TCF7L2: variants seen among roughly 807,000 people sequenced by gnomAD.
TCF7L2 encodes transcription factor 7-like 2.
TCF7L2 carries 23 observed loss-of-function variants against 77.9 expected under a neutral mutation model. The ratio of observed to expected loss-of-function variants is 0.30; its 90% CI spans 0.21 to 0.42. TCF7L2 has a LOEUF of 0.42. Ranked by LOEUF, TCF7L2 falls within the 10% of genes least tolerant of loss-of-function variation. The pLI is 1.00. For missense variants in TCF7L2, 654 were observed against 793.1 expected (o/e 0.82, Z 2.11); for synonymous variants, 413 against 340.2 (o/e 1.21, Z -2.36).
chr10:113,123,301 T>A (rs2065078970), intron 5 of TCF7L2, among the ~76,000 whole-genome samples: 1 of 152,190 alleles, frequency 6.6e-6, no homozygotes, highest in South Asian at 2.1e-4. Flanking sequence ...TAAGGATATA[T>A]CCATGGCCCT....
At chr10:112,958,408 G>A (rs999593868) in intron 3 of TCF7L2, among the ~76,000 whole-genome samples, 34 of 152,154 alleles carry the variant, frequency 2.2e-4, no homozygotes, top group African/African-American at 8.2e-4. Flanking sequence ...TTCATGGTCT[G>A]CCAGAAGAAG....
chr10:113,020,388 TC>T (rs1167122033), intron 4 of TCF7L2, among the ~76,000 whole-genome samples: 1 of 152,160 alleles, frequency 6.6e-6, no homozygotes, highest in Non-Finnish European at 1.5e-5. Flanking sequence ...TCTGGATTCT[TC>T]CAGCTGTGTG....
chr10:113,031,704 TCTCGAACTACTGAC>T (rs1283533201), intron 4 of TCF7L2, among the ~76,000 whole-genome samples: 1 of 152,138 alleles, frequency 6.6e-6, no homozygotes, highest in Admixed American at 6.5e-5. Context: ...GCCAGGCTGG[TCTCGAACTACTGAC>T]CTCAAAGTGA....
intron 5 of TCF7L2, among the ~76,000 whole-genome samples, chr10:113,096,867 G>C (rs543415608): frequency 4.6e-5 from 7 of 152,220 alleles, no homozygotes; most frequent in Admixed American, 3.3e-4. Flanking sequence ...GGAAAGCAAC[G>C]AAGACACCAG....
At chr10:113,097,646 GAAAAAAAAAAAA>G (rs869133669) in intron 5 of TCF7L2, among the ~76,000 whole-genome samples, 371 of 36,744 alleles carry the variant, frequency 0.01, 6 homozygotes, top group African/African-American at 0.037. Context: ...TCTTGTCTCG[GAAAAAAAAAAAA>G]AAAAAAAAAA....
At chr10:113,083,448 T>A (rs1409341878) in intron 5 of TCF7L2, among the ~76,000 whole-genome samples, 3 of 152,200 alleles carry the variant, frequency 2.0e-5, no homozygotes, top group African/African-American at 7.2e-5. Context: ...GGCTTGTCTT[T>A]ACGATAAAAA....
intron 4 of TCF7L2, among the ~76,000 whole-genome samples, chr10:112,969,975 CAGAAGA>C (rs1239066810): frequency 6.6e-6 from 1 of 152,218 alleles, no homozygotes; most frequent in East Asian, 1.9e-4. Context: ...TCGAGACCCA[CAGAAGA>C]TGTTTCCCTT....
chr10:112,998,678 A>G (rs1590203422), intron 4 of TCF7L2, among the ~76,000 whole-genome samples: 1 of 152,240 alleles, frequency 6.6e-6, no homozygotes, highest in Non-Finnish European at 1.5e-5. Flanking sequence ...AGTCAATGTC[A>G]GATAACTAGG....
chr10:113,146,825 A>T lies in TCF7L2; in HGVS notation c.875+728A>T, dbSNP rs376940783. Among the ~76,000 whole-genome samples, 20 of 152,262 alleles carry T rather than the reference A, an allele frequency of 1.3e-4. No homozygotes were observed. The East Asian group carries it at 2.7e-3, about 21-fold the overall frequency. On this transcript the variant is annotated intron_variant, in intron 8 of 13. Coordinates refer to ENST00000627217, the MANE Select transcript of TCF7L2 (RefSeq NM_001146274.2). ...CAGCACTTCTCAGTTTAGACTGGCCACATTTCAAATATTCAATAGCCACAC... is the reference window on the plus strand; with the variant it reads ...CAGCACTTCTCAGTTTAGACTGGCCTCATTTCAAATATTCAATAGCCACAC...
chr10:113,119,238 A>G (rs1191042204), intron 5 of TCF7L2, among the ~76,000 whole-genome samples: 1 of 152,192 alleles, frequency 6.6e-6, no homozygotes, highest in African/African-American at 2.4e-5. Flanking sequence ...CATTTGGGAA[A>G]GTTCCTAATC....
At chr10:113,093,532 C>T (rs956606026) in intron 5 of TCF7L2, among the ~76,000 whole-genome samples, 17 of 152,166 alleles carry the variant, frequency 1.1e-4, no homozygotes, top group African/African-American at 3.6e-4. Flanking sequence ...CTTTCTGTTC[C>T]ATCTACATTT....
At chr10:112,981,729 C>G (rs1448171840) in intron 4 of TCF7L2, among the ~76,000 whole-genome samples, 6 of 152,166 alleles carry the variant, frequency 3.9e-5, no homozygotes, top group African/African-American at 1.4e-4. Flanking sequence ...TTGATTTCGG[C>G]CTCAGTGGTT....
chr10:113,146,912 A>G (rs1592289524), intron 8 of TCF7L2, among the ~76,000 whole-genome samples: 1 of 144,644 alleles, frequency 6.9e-6, no homozygotes, highest in South Asian at 2.1e-4. Flanking sequence ...AAAAAAAAAC[A>G]TGTGTGTGTG....
At chr10:113,070,481 C>T (rs1473578308) in intron 5 of TCF7L2, among the ~76,000 whole-genome samples, 2 of 151,960 alleles carry the variant, frequency 1.3e-5, no homozygotes, top group Non-Finnish European at 2.9e-5. Context: ...TGCTATGGCC[C>T]ATCTGCGGGA....
intron 5 of TCF7L2, among the ~76,000 whole-genome samples, chr10:113,096,914 G>T (rs1417018368): frequency 6.6e-6 from 1 of 152,220 alleles, no homozygotes; most frequent in African/African-American, 2.4e-5. Flanking sequence ...GAGGAGGCAT[G>T]TAGTGACTGA....
At chr10:113,065,569 T>C (rs1022316439) in intron 5 of TCF7L2, among the ~76,000 whole-genome samples, 1 of 152,234 alleles carries the variant, frequency 6.6e-6, no homozygotes, top group Non-Finnish European at 1.5e-5. Flanking sequence ...CCTCGGTTTC[T>C]TTATCTGTTA....
intron 5 of TCF7L2, among the ~76,000 whole-genome samples, chr10:113,130,832 C>T (rs960229726): frequency 1.3e-5 from 2 of 152,080 alleles, no homozygotes; most frequent in African/African-American, 4.8e-5. Flanking sequence ...GTGGCGAGAT[C>T]TCGGCTCACT....
At chr10:112,959,560 G>A (rs191020287) in intron 3 of TCF7L2, among the ~76,000 whole-genome samples, 2 of 152,202 alleles carry the variant, frequency 1.3e-5, no homozygotes, top group Non-Finnish European at 2.9e-5. Flanking sequence ...GGATGCTGTC[G>A]TTAAGTTATT....
intron 2 of TCF7L2, 91 bp from the exon 3 acceptor site, chr10:112,951,392 C>G (rs528119578): frequency 8.4e-7 from 1 of 1,191,712 alleles, no homozygotes; most frequent in Non-Finnish European, 1.1e-6. Context: ...TCGGGGCGCC[C>G]GGCCCCTCGG....
Sources: allele counts gnomAD v4.1 joint callset (sites outside exome capture counted in the v4.1 genomes callset), GRCh38; gene constraint gnomAD v4.1.1; transcripts MANE v1.5; gene names NCBI Gene and HGNC (gene_info 2026-07-23, HGNC 2026-07-21).